The following PTPRZ1 variants were observed in gnomAD, a reference collection of about 807,000 sequenced individuals.
PTPRZ1 encodes the protein receptor-type tyrosine-protein phosphatase zeta.
Under a neutral mutation model 214.1 loss-of-function variants are expected in PTPRZ1, and 82 were observed. The observed-to-expected ratio is 0.38, with a 90% CI of 0.32 to 0.46. The LOEUF (loss-of-function observed/expected upper bound fraction) is 0.46, where lower values mean the gene tolerates loss of function less well. Ranked by LOEUF, PTPRZ1 falls within the 20% of genes least tolerant of loss-of-function variation. The pLI is 1.00. For synonymous variants in PTPRZ1, 945 were observed against 987.9 expected, an observed-to-expected ratio of 0.96 and a Z score of 0.81; for missense variants, 2,603 against 2,748.7, an observed-to-expected ratio of 0.95 and a Z score of 1.19.
At chr7:121,899,449 AT>A (rs1319219072) in intron 1 of PTPRZ1, among the ~76,000 whole-genome samples, 2 of 152,148 alleles carry the variant, frequency 1.3e-5, no homozygotes, top group African/African-American at 4.8e-5. Context: ...AAAAGTTCAT[AT>A]TTTTTTAAGT....
In PTPRZ1 at chr7:122,059,796, C is replaced by G. The variant is rs776739109; in HGVS notation, c.6715C>G (p.Leu2239Val). The G allele has an allele frequency of 6.2e-7, 1 of 1,613,274 alleles. No homozygotes were observed. ...TAGTFCALTT[L>V]MHQLEKENSV... ...AGGAACTTTCTGTGCTCTGACAACC[C>G]TTATGCACCAACTAGAAAAAGAAAA... is the stretch of plus-strand genomic sequence containing the variant. Residue 2239 changes from leucine (L) to valine (V), a missense_variant, in exon 29 of 30, where the codon CTT becomes GTT. By Grantham distance (32) the Leu-to-Val change is conservative. Transcript: ENST00000393386.
chr7:121,883,781 C>T (rs1794310785), intron 1 of PTPRZ1, among the ~76,000 whole-genome samples: 4 of 152,150 alleles, frequency 2.6e-5, no homozygotes, highest in Admixed American at 2.6e-4. Context: ...CATGTGCCAC[C>T]ATGCCCAGCT....
rs1328583170 is a variant in PTPRZ1, at chr7:122,034,280, A to G, written c.5188-2A>G. The stretch of plus-strand genomic sequence containing the variant: ...AAATGATTTACATATAATTTTTTAC[A>G]GGAAGTGCAGAGCTGTACTGTTGAC... On this transcript the variant is annotated splice_acceptor_variant, in intron 16 of 29. Transcript: ENST00000393386. LOFTEE classifies it high-confidence loss of function. 6.2e-7 allele frequency: 1 copy of G among 1,611,032 alleles called. No homozygotes were observed. Among genetic ancestry groups the G allele is most frequent in the Non-Finnish European group, 8.5e-7 (1 of 1,178,628 alleles).
At chr7:122,057,667 T>G (rs1182677980) in intron 27 of PTPRZ1, among the ~76,000 whole-genome samples, 1 of 150,794 alleles carries the variant, frequency 6.6e-6, no homozygotes, top group Non-Finnish European at 1.5e-5. Context: ...TTTGTCTTTT[T>G]TTTTGTGAAA....
At position 122,052,003 on chromosome 7, in the gene PTPRZ1, G is replaced by T. The variant is rs189061752; in HGVS notation, c.6252+64G>T. On this transcript the variant is annotated intron_variant, in intron 25 of 29. Transcript: ENST00000393386. ...GTTACAGGGATCAAAACCAGAATGG[G>T]CTGCCAGAAGCAAAGACTACAGGCA... is the stretch of plus-strand genomic sequence containing the variant. 46 of 1,340,328 alleles carry T rather than the reference G, an allele frequency of 3.4e-5. No individual in the cohort carries two copies. The East Asian group carries it at 1.1e-3, about 31-fold the overall frequency. 83.0% of individuals were successfully genotyped at this position (1,340,328 alleles called of 1,614,324 possible). A position where few individuals can be genotyped will look rare whatever the true frequency, so the allele number is the denominator to read the frequency against.
At chr7:121,961,822 G>C (rs577655758) in intron 2 of PTPRZ1, among the ~76,000 whole-genome samples, 1 of 152,312 alleles carries the variant, frequency 6.6e-6, no homozygotes, top group East Asian at 1.9e-4. Flanking sequence ...GGTAAGCATG[G>C]GAAATTTATA....
Position 122,034,115 on chromosome 7 carries a change from G to A in PTPRZ1, c.5187G>A (p.Gln1729=). The change falls in exon 16 of 30, where the codon CAG becomes CAA. Residue 1729 remains glutamine (Q), a splice_region_variant and synonymous_variant. Transcript: ENST00000393386. ...EEFETLKEFY[Q]EVQSCTVDLG... is the part of the protein sequence containing the mutation. ...ATTAGACACTGAAAGAGTTTTACCA[G>A]GTAAGGCATTATTTCACTGCATTTT... 1 of 1,596,962 alleles carries A rather than the reference G, an allele frequency of 6.3e-7. No homozygotes were observed. The highest frequency in any genetic ancestry group is 8.6e-7 in the Non-Finnish European group (1 of 1,165,168).
chr7:121,987,426 G>A (rs1338929594), intron 8 of PTPRZ1, among the ~76,000 whole-genome samples: 1 of 152,204 alleles, frequency 6.6e-6, no homozygotes, highest in East Asian at 1.9e-4. Context: ...TGTATACCCA[G>A]TAATGGGATT....
intron 11 of PTPRZ1, among the ~76,000 whole-genome samples, chr7:122,005,695 A>T (rs188682962): frequency 4.7e-4 from 72 of 152,110 alleles, no homozygotes; most frequent in African/African-American, 1.6e-3. Context: ...AATTAAGTCA[A>T]AAAAGAAATT....
intron 23 of PTPRZ1, among the ~76,000 whole-genome samples, chr7:122,045,568 ATC>A (rs1349044207): frequency 6.6e-6 from 1 of 152,098 alleles, no homozygotes. Context: ...ATCCAAGCTT[ATC>A]TCAGTCATAA....
At chr7:122,038,290 A>G (rs1799609590) in intron 18 of PTPRZ1, among the ~76,000 whole-genome samples, 1 of 152,162 alleles carries the variant, frequency 6.6e-6, no homozygotes, top group African/African-American at 2.4e-5. Flanking sequence ...GCTAATAATG[A>G]TTAGCACTTC....
rs1410347915 is a variant in PTPRZ1, at chr7:122,040,719, G to C, written c.5638-97G>C. 5 of 880,014 alleles carry C rather than the reference G, an allele frequency of 5.7e-6. No homozygotes were observed. In the Admixed American group the frequency reaches 1.3e-4, roughly 23 times the overall value. 54.5% of individuals were successfully genotyped at this position (880,014 alleles called of 1,614,324 possible). ...ATCAAGCTATGATTCCTGACTTGCT[G>C]TTGAAGAACCGTGTGTGTGTGTGTG... On this transcript the variant is annotated intron_variant, in intron 20 of 29. Transcript: ENST00000393386.
At chr7:121,927,819 A>C (rs1795808279) in intron 1 of PTPRZ1, among the ~76,000 whole-genome samples, 1 of 152,226 alleles carries the variant, frequency 6.6e-6, no homozygotes. Context: ...AATGGTAACA[A>C]AAATTTGGAG....
intron 1 of PTPRZ1, among the ~76,000 whole-genome samples, chr7:121,897,310 T>A (rs1380519881): frequency 6.6e-6 from 1 of 152,140 alleles, no homozygotes; most frequent in Admixed American, 6.5e-5. Context: ...ATGGTGGAGA[T>A]ACAGTTTGAA....
intron 3 of PTPRZ1, 111 bp downstream of exon 3, chr7:121,968,241 G>A (rs932970056): frequency 2.2e-6 from 2 of 909,076 alleles, no homozygotes; most frequent in Admixed American, 3.3e-5. Context: ...CTAGATAGAA[G>A]TTACATGTAG....
At chr7:121,924,159 G>T (rs1215559959) in intron 1 of PTPRZ1, among the ~76,000 whole-genome samples, 1 of 151,780 alleles carries the variant, frequency 6.6e-6, no homozygotes, top group Non-Finnish European at 1.5e-5. Flanking sequence ...ATTTTAAATG[G>T]AAAGAAACAA....
chr7:121,998,745 G>A (rs4236613), intron 10 of PTPRZ1, among the ~76,000 whole-genome samples: 56,540 of 151,840 alleles, frequency 0.37, 12,638 homozygotes, highest in Middle Eastern at 0.48. Context: ...TAGAATAGAC[G>A]TGCATATATG....
rs989827580 is a variant in PTPRZ1 at position 122,004,795 on chromosome 7, C to G, written c.1287+135C>G. ...ACTGTTTGTGGGGTTAGTTGCTAAG[C>G]TTTATATATAGATAGTCACATAATT... On this transcript the variant is annotated intron_variant, in intron 11 of 29. Coordinates refer to ENST00000393386, the MANE Select transcript of PTPRZ1 (RefSeq NM_002851.3). 4 of 518,296 alleles carry G rather than the reference C, an allele frequency of 7.7e-6. No homozygotes were observed. In the Admixed American group the frequency reaches 1.6e-4, roughly 21 times the overall value. The allele number at this position is 518,296 out of a possible 1,614,324, so 32.1% of individuals were successfully genotyped here.
intron 8 of PTPRZ1, 139 bp from the exon 9 acceptor site, chr7:121,996,243 A>C: frequency 1.7e-6 from 1 of 597,824 alleles, no homozygotes; most frequent in Non-Finnish European, 2.8e-6. Context: ...TGGAATAAGC[A>C]AAAGCTCCAC....
Sources: gnomAD v4.1 joint callset for allele counts (sites outside exome capture counted in the v4.1 genomes callset) on GRCh38, gnomAD v4.1.1 for gene constraint, MANE v1.5 for transcripts, NCBI Gene and HGNC (gene_info 2026-07-23, HGNC 2026-07-21) for gene names.